TRIM33: variants seen among roughly 807,000 people sequenced by gnomAD.
TRIM33 encodes E3 ubiquitin-protein ligase TRIM33.
Under a neutral mutation model 125.4 loss-of-function variants are expected in TRIM33, and 20 were observed. The observed-to-expected ratio is 0.16, with a 90% CI of 0.11 to 0.23. TRIM33 has a LOEUF of 0.23. Among genes scored for constraint, TRIM33 ranks in the 10% least tolerant of loss-of-function variants. TRIM33 has a pLI of 1.00. For synonymous variants in TRIM33, 564 were observed against 513.9 expected (o/e 1.10, Z -1.32); for missense variants, 920 against 1,411.4 (o/e 0.65, Z 5.58).
intron 1 of TRIM33, among the ~76,000 whole-genome samples, chr1:114,495,157 C>T (rs757474811): frequency 6.6e-6 from 1 of 152,142 alleles, no homozygotes; most frequent in African/African-American, 2.4e-5. Context: ...TCAAGTGGTT[C>T]GCTCATCTCG....
intron 11 of TRIM33, among the ~76,000 whole-genome samples, chr1:114,421,023 C>T (rs1653249549): frequency 6.6e-6 from 1 of 152,000 alleles, no homozygotes; most frequent in African/African-American, 2.4e-5. Context: ...TAGACATATA[C>T]AATGGAATAT....
At chr1:114,496,400 T>G (rs1435945922) in intron 1 of TRIM33, among the ~76,000 whole-genome samples, 2 of 152,214 alleles carry the variant, frequency 1.3e-5, no homozygotes, top group Non-Finnish European at 2.9e-5. Flanking sequence ...CTGTAAATTC[T>G]CATTCTTCCA....
At chr1:114,465,943 C>T (rs1206745706) in intron 1 of TRIM33, among the ~76,000 whole-genome samples, 3 of 151,110 alleles carry the variant, frequency 2.0e-5, no homozygotes, top group South Asian at 2.1e-4. Flanking sequence ...CTCAGGAGGG[C>T]GAGATAGGAG....
At chr1:114,456,702 T>G (rs926698801) in intron 4 of TRIM33, among the ~76,000 whole-genome samples, 1 of 152,178 alleles carries the variant, frequency 6.6e-6, no homozygotes, top group African/African-American at 2.4e-5. Flanking sequence ...CAGCTTACTG[T>G]CATAATTTGA....
chr1:114,483,828 C>A (rs1570642667), intron 1 of TRIM33, among the ~76,000 whole-genome samples: 1 of 152,160 alleles, frequency 6.6e-6, no homozygotes, highest in Non-Finnish European at 1.5e-5. Context: ...ACCCTGTTAC[C>A]AAAGACATAA....
At chr1:114,503,767 G>T (rs1652839948) in intron 1 of TRIM33, among the ~76,000 whole-genome samples, 1 of 152,166 alleles carries the variant, frequency 6.6e-6, no homozygotes, top group African/African-American at 2.4e-5. Flanking sequence ...ACATATGTCA[G>T]TTGTTTTCCT....
Position 114,397,580 on chromosome 1 carries a change from GTTTTTTGTGTTTTTTTTT to G in TRIM33, c.*50_*67del, listed in dbSNP as rs1294018217. 13 of 1,075,798 alleles carry G rather than the reference GTTTTTTGTGTTTTTTTTT, an allele frequency of 1.2e-5. No individual in the cohort carries two copies. In the East Asian group the frequency reaches 1.3e-4, roughly 10 times the overall value. 66.6% of individuals were successfully genotyped at this position (1,075,798 alleles called of 1,614,324 possible). On this transcript the variant is annotated 3_prime_UTR_variant, in exon 20 of 20. Transcript: ENST00000358465. ...CCAGCAACACTTAAAAGTTTTCTGGGTTTTTTGTGTTTTTTTTTTTTTTTTCGTTTTTTTTTTTTTAAA... is the reference window on the plus strand; with the variant it reads ...CCAGCAACACTTAAAAGTTTTCTGGGTTTTTTTCGTTTTTTTTTTTTTAAA...
At chr1:114,465,968 G>A (rs868796294) in intron 1 of TRIM33, among the ~76,000 whole-genome samples, 2 of 152,052 alleles carry the variant, frequency 1.3e-5, no homozygotes, top group South Asian at 2.1e-4. Context: ...GCTTGAACCC[G>A]GGAGGTGGGG....
chr1:114,408,495 A>G (rs951013190), intron 13 of TRIM33, among the ~76,000 whole-genome samples, 182 bp downstream of exon 13: 4 of 152,208 alleles, frequency 2.6e-5, no homozygotes, highest in Non-Finnish European at 5.9e-5. Context: ...GATTTGTTTC[A>G]AAATAATTCA....
intron 4 of TRIM33, among the ~76,000 whole-genome samples, chr1:114,452,436 GCAA>G (rs1649370074): frequency 6.6e-6 from 1 of 151,862 alleles, no homozygotes; most frequent in Non-Finnish European, 1.5e-5. Flanking sequence ...CTCCAGCCTG[GCAA>G]CAGAGTGAGA....
chr1:114,397,438 A>G lies in TRIM33; in HGVS notation c.*210T>C, dbSNP rs1190414223. 7 of 550,054 alleles carry G rather than the reference A, an allele frequency of 1.3e-5. No homozygotes were observed. Among genetic ancestry groups the G allele is most frequent in the Admixed American group, 3.4e-5 (1 of 29,616 alleles). 34.1% of individuals were successfully genotyped at this position (550,054 alleles called of 1,614,324 possible). A position where few individuals can be genotyped will look rare whatever the true frequency, so the allele number is the denominator to read the frequency against. On this transcript the variant is annotated 3_prime_UTR_variant, in exon 20 of 20. Coordinates refer to ENST00000358465, the MANE Select transcript of TRIM33 (RefSeq NM_015906.4). ...TTTTGCTTTTTGCTTTGAAACTTGC[A>G]AACAGACTTCTCTCCCCCTTTCTTG...
At chr1:114,413,051 A>G (rs968657935) in intron 11 of TRIM33, among the ~76,000 whole-genome samples, 4 of 152,218 alleles carry the variant, frequency 2.6e-5, no homozygotes, top group Admixed American at 6.5e-5. Flanking sequence ...AGCCATCCTA[A>G]TAAGTATGTC....
intron 1 of TRIM33, among the ~76,000 whole-genome samples, chr1:114,506,808 G>A (rs184117046): frequency 7.9e-5 from 12 of 152,150 alleles, no homozygotes; most frequent in East Asian, 1.9e-4. Flanking sequence ...ATACTCCAAC[G>A]GTAAACAGAT....
chr1:114,446,333 C>A (rs988705400), intron 4 of TRIM33, among the ~76,000 whole-genome samples: 15 of 151,908 alleles, frequency 9.9e-5, no homozygotes, highest in Non-Finnish European at 2.2e-4. Flanking sequence ...ATATGAAACA[C>A]CAGCTTTTAC....
intron 1 of TRIM33, chr1:114,468,500 G>A (rs941530633): frequency 5.2e-6 from 2 of 382,516 alleles, no homozygotes; most frequent in Admixed American, 3.9e-5. Flanking sequence ...AGAACAGTAG[G>A]GAAAAAGGTG....
intron 8 of TRIM33, 124 bp from the exon 9 acceptor site, chr1:114,425,847 C>G (rs564066562): frequency 1.1e-3 from 742 of 653,236 alleles, no homozygotes; most frequent in Non-Finnish European, 1.7e-3. Context: ...AACAGTACAG[C>G]AGGGAATGGA....
intron 1 of TRIM33, among the ~76,000 whole-genome samples, chr1:114,497,564 G>A (rs1257858368): frequency 6.6e-6 from 1 of 152,194 alleles, no homozygotes; most frequent in Non-Finnish European, 1.5e-5. Context: ...GCCTTCCAAA[G>A]TGCTGGGATT....
intron 1 of TRIM33, among the ~76,000 whole-genome samples, chr1:114,480,953 C>G (rs75053409): frequency 0.01 from 1,560 of 152,242 alleles, 23 homozygotes; most frequent in African/African-American, 0.035. Flanking sequence ...AAAAAAGATT[C>G]TTGGAGTCCG....
chr1:114,453,396 C>T (rs1277445553), intron 4 of TRIM33, among the ~76,000 whole-genome samples: 1 of 150,910 alleles, frequency 6.6e-6, no homozygotes, highest in East Asian at 1.9e-4. Flanking sequence ...AAGAGGTGAA[C>T]TCGTTTTAAG....
Sources: allele counts gnomAD v4.1 joint callset (sites outside exome capture counted in the v4.1 genomes callset), GRCh38; gene constraint gnomAD v4.1.1; transcripts MANE v1.5; gene names NCBI Gene and HGNC (gene_info 2026-07-23, HGNC 2026-07-21).